Variants in LRMDA observed in about 807,000 individuals in gnomAD.
The protein encoded by LRMDA is leucine-rich melanocyte differentiation-associated protein.
Under a neutral mutation model 29.8 loss-of-function variants are expected in LRMDA, and 18 were observed. That is an observed-to-expected ratio of 0.60 (90% CI 0.42 to 0.90). LRMDA has a LOEUF of 0.90. Ranked by LOEUF, LRMDA falls within the 40% of genes least tolerant of loss-of-function variation. The pLI, the probability that LRMDA is intolerant of heterozygous loss-of-function variation, is 0.00. For synonymous variants in LRMDA, 125 were observed against 109.4 expected, an observed-to-expected ratio of 1.14 and a Z score of -0.89; for missense variants, 273 against 273.9, an observed-to-expected ratio of 1.00 and a Z score of 0.02.
intron 2 of LRMDA, among the ~76,000 whole-genome samples, chr10:75,644,988 CTTTTT>C (rs139813398): frequency 1.0e-4 from 15 of 143,712 alleles, no homozygotes; most frequent in Non-Finnish European, 1.4e-4. Flanking sequence ...TTATTTTACT[CTTTTT>C]TTTTTTTTTT....
intron 6 of LRMDA, among the ~76,000 whole-genome samples, chr10:76,429,083 C>G (rs1458483035): frequency 6.6e-6 from 1 of 151,408 alleles, no homozygotes; most frequent in African/African-American, 2.4e-5. Context: ...ATGCCACTGC[C>G]TTTTTCAAGA....
chr10:76,522,960 A>G (rs1843136436), intron 6 of LRMDA, among the ~76,000 whole-genome samples: 2 of 152,110 alleles, frequency 1.3e-5, no homozygotes, highest in Admixed American at 1.3e-4. Context: ...ACCAAAAGTT[A>G]CCAATATGCC....
chr10:76,240,654 A>G (rs1221615547), intron 5 of LRMDA, among the ~76,000 whole-genome samples: 3 of 150,980 alleles, frequency 2.0e-5, no homozygotes, highest in African/African-American at 4.8e-5. Context: ...ATAACTCATT[A>G]TATGAAAATG....
At chr10:76,445,338 A>G (rs1280110750) in intron 6 of LRMDA, among the ~76,000 whole-genome samples, 1 of 152,164 alleles carries the variant, frequency 6.6e-6, no homozygotes, top group East Asian at 1.9e-4. Context: ...CTATCCAACC[A>G]GCACAGTCCC....
At chr10:75,729,584 G>GGT (rs1318126936) in intron 2 of LRMDA, among the ~76,000 whole-genome samples, 1 of 152,144 alleles carries the variant, frequency 6.6e-6, no homozygotes, top group Non-Finnish European at 1.5e-5. Context: ...GTGTGGGAAG[G>GGT]GTGTGTGTAT....
At chr10:76,477,251 C>T (rs1472399571) in intron 6 of LRMDA, among the ~76,000 whole-genome samples, 1 of 151,770 alleles carries the variant, frequency 6.6e-6, no homozygotes, top group Non-Finnish European at 1.5e-5. Context: ...TTCTTATACA[C>T]CAATAACAGA....
At position 76,067,875 on chromosome 10, in the gene LRMDA, T is replaced by C. The variant is rs78927074; in HGVS notation, c.516+9092T>C. Among the ~76,000 whole-genome samples, 304 of 152,328 alleles carry C rather than the reference T, an allele frequency of 2.0e-3. 5 individuals carry two copies. Among genetic ancestry groups the C allele is most frequent in the African/African-American group, 7.1e-3 (295 of 41,582 alleles). ...GTCTTTCCTGAACTCTACAGCTTAATAGAGCTCTGTCTTCCTCAGAAAGAC... is the reference window on the plus strand; with the variant it reads ...GTCTTTCCTGAACTCTACAGCTTAACAGAGCTCTGTCTTCCTCAGAAAGAC... On this transcript the variant is annotated intron_variant, in intron 5 of 6. Transcript: ENST00000611255.
intron 6 of LRMDA, among the ~76,000 whole-genome samples, chr10:76,372,287 G>A (rs1320432031): frequency 5.9e-5 from 9 of 152,124 alleles, no homozygotes; most frequent in Non-Finnish European, 1.3e-4. Context: ...CCACTGGAGG[G>A]AAGCATTGCA....
chr10:75,552,066 C>T (rs1840157298), intron 2 of LRMDA, among the ~76,000 whole-genome samples: 1 of 152,006 alleles, frequency 6.6e-6, no homozygotes, highest in African/African-American at 2.4e-5. Context: ...GACCGTGTCT[C>T]TAAAAAATAA....
At chr10:76,124,345 A>G (rs1435106426) in intron 5 of LRMDA, among the ~76,000 whole-genome samples, 2 of 152,242 alleles carry the variant, frequency 1.3e-5, no homozygotes, top group African/African-American at 2.4e-5. Flanking sequence ...TTTTGATAAC[A>G]GTCCTTGCCA....
intron 2 of LRMDA, among the ~76,000 whole-genome samples, chr10:75,878,666 G>C (rs1350672003): frequency 1.3e-5 from 2 of 152,234 alleles, no homozygotes; most frequent in African/African-American, 4.8e-5. Context: ...AGGAGTGCCT[G>C]TTCTCACTTA....
intron 2 of LRMDA, among the ~76,000 whole-genome samples, chr10:75,448,246 A>C (rs554594321): frequency 6.6e-6 from 1 of 152,296 alleles, no homozygotes; most frequent in South Asian, 2.1e-4. Context: ...CTTTTGTATA[A>C]TGCTTTTTAT....
intron 5 of LRMDA, among the ~76,000 whole-genome samples, chr10:76,283,197 G>T (rs1002097968): frequency 3.3e-5 from 5 of 152,182 alleles, no homozygotes; most frequent in Non-Finnish European, 7.3e-5. Context: ...TATTTAACCA[G>T]TTTATTGATT....
chr10:75,538,625 GT>G (rs1453079093), intron 2 of LRMDA, among the ~76,000 whole-genome samples: 3 of 150,642 alleles, frequency 2.0e-5, no homozygotes, highest in Non-Finnish European at 2.9e-5. Flanking sequence ...TTGTTTGTTT[GT>G]TTGTTTTGTG....
In LRMDA at chr10:76,324,523, G is replaced by A. The variant is rs199621795; in HGVS notation, c.601+38G>A. ...CTTTTTATTGCTCTCAGTGGGTGCAGGGAGGGACACTTGGCTGTGCAGAGC... is the reference window on the plus strand; with the variant it reads ...CTTTTTATTGCTCTCAGTGGGTGCAAGGAGGGACACTTGGCTGTGCAGAGC... On this transcript the variant is annotated intron_variant, in intron 6 of 6. Transcript: ENST00000611255. 1.9e-6 allele frequency: 3 copies of A among 1,573,998 alleles called. No individual in the cohort carries two copies. In the South Asian group the frequency reaches 3.3e-5, roughly 17 times the overall value.
chr10:75,864,433 C>T (rs1042355393), intron 2 of LRMDA, among the ~76,000 whole-genome samples: 4 of 152,160 alleles, frequency 2.6e-5, no homozygotes, highest in Non-Finnish European at 4.4e-5. Flanking sequence ...CTAGGGGAAC[C>T]TCAGGCTCCC....
At position 76,542,054 on chromosome 10, in the gene LRMDA, C is replaced by CGTGTGTGTGTGTGT. The variant is rs34637437; in HGVS notation, c.602-15142_602-15129dup. Reference sequence around the variant, plus strand: ...ACATGCATGCATGTAGGTGTGTGCACGTGTGTGTGTGTGTGTGTGTGTGTG... The same window carrying CGTGTGTGTGTGTGT: ...ACATGCATGCATGTAGGTGTGTGCACGTGTGTGTGTGTGTGTGTGTGTGTGTGTGTGTGTGTGTG... On this transcript the variant is annotated intron_variant, in intron 6 of 6. Transcript: ENST00000611255. 2.2e-3 allele frequency among the ~76,000 whole-genome samples: 329 copies of CGTGTGTGTGTGTGT among 150,258 alleles called. 2 individuals are homozygous for CGTGTGTGTGTGTGT. Among genetic ancestry groups the CGTGTGTGTGTGTGT allele is most frequent in the African/African-American group, 7.8e-3 (321 of 40,952 alleles).
At chr10:75,529,413 A>C (rs1184101185) in intron 2 of LRMDA, among the ~76,000 whole-genome samples, 1 of 152,242 alleles carries the variant, frequency 6.6e-6, no homozygotes, top group Non-Finnish European at 1.5e-5. Flanking sequence ...GTAGGTATGA[A>C]ATGTCTCAAA....
intron 2 of LRMDA, among the ~76,000 whole-genome samples, chr10:75,527,511 A>G (rs1165364591): frequency 1.3e-5 from 2 of 151,988 alleles, no homozygotes; most frequent in African/African-American, 4.8e-5. Context: ...CCAGTAATAT[A>G]TGAAAGTTCT....
Sources: gnomAD v4.1 joint callset for allele counts (sites outside exome capture counted in the v4.1 genomes callset) on GRCh38, gnomAD v4.1.1 for gene constraint, MANE v1.5 for transcripts, NCBI Gene and HGNC (gene_info 2026-07-23, HGNC 2026-07-21) for gene names.